Variants in STK32A observed in about 807,000 individuals in gnomAD.
STK32A encodes serine/threonine-protein kinase 32A.
In STK32A, 41 loss-of-function variants were observed where a neutral mutation model predicts 53.2. That is an observed-to-expected ratio of 0.77 (90% CI 0.60 to 1.00). STK32A has a LOEUF of 1.00. Among genes scored for constraint, STK32A ranks in the 50% least tolerant of loss-of-function variants. STK32A has a pLI of 0.00. For synonymous variants in STK32A, 166 were observed against 162.8 expected (o/e 1.02, Z -0.15); for missense variants, 458 against 485.8 (o/e 0.94, Z 0.54).
chr5:147,318,793 T>C (rs1375930223), intron 4 of STK32A, among the ~76,000 whole-genome samples: 1 of 143,770 alleles, frequency 7.0e-6, no homozygotes, highest in African/African-American at 2.6e-5. Context: ...AAAAAAAAAA[T>C]TACAGGCCAA....
chr5:147,245,916 C>G lies in STK32A; in HGVS notation c.52+6230C>G, dbSNP rs995459619. On this transcript the variant is annotated intron_variant, in intron 2 of 12. Coordinates refer to ENST00000397936, the MANE Select transcript of STK32A (RefSeq NM_001112724.2). Reference sequence around the variant, plus strand: ...CAATGGGATCCTTTAAAATGTTGGGCCAAGAAAATTGGCCACAGATTTGCA... The same window carrying G: ...CAATGGGATCCTTTAAAATGTTGGGGCAAGAAAATTGGCCACAGATTTGCA... Among the ~76,000 whole-genome samples the G allele has an allele frequency of 7.2e-5, 11 of 152,228 alleles. No individual in the cohort carries two copies. In the East Asian group the frequency reaches 1.9e-3, roughly 27 times the overall value.
chr5:147,299,825 G>A (rs74719227), intron 4 of STK32A, among the ~76,000 whole-genome samples: 12,493 of 152,198 alleles, frequency 0.082, 675 homozygotes, highest in African/African-American at 0.15. Context: ...TAGGCTACAC[G>A]TTATTCTTTG....
At chr5:147,383,823 A>G (rs888755758) in intron 12 of STK32A, 67 bp from the exon 13 acceptor site, 1 of 1,299,246 alleles carries the variant, frequency 7.7e-7, no homozygotes, top group African/African-American at 1.6e-5. Flanking sequence ...ATATTATTTC[A>G]AAAGCTTAAA....
In STK32A at chr5:147,386,970, G is replaced by A. The variant is rs1371117952; in HGVS notation, c.*2987G>A. 1 of 152,162 alleles carries A rather than the reference G, an allele frequency of 6.6e-6. No individual in the cohort carries two copies. The allele number at this position is 152,162 out of a possible 1,614,324, so 9.4% of individuals were successfully genotyped here. ...CACTAGGTGGAACATGTCTCTTCCG[G>A]AGTTGTGACAACCGAGGCTCAGAGC... is the stretch of plus-strand genomic sequence containing the variant. On this transcript the variant is annotated 3_prime_UTR_variant, in exon 13 of 13. Transcript: ENST00000397936.
chr5:147,320,207 A>C lies in STK32A; in HGVS notation c.261-3691A>C, dbSNP rs113750789. Among the ~76,000 whole-genome samples the C allele has an allele frequency of 4.1e-3, 620 of 152,036 alleles. 7 individuals are homozygous for C. Among genetic ancestry groups the C allele is most frequent in the Middle Eastern group, 0.014 (4 of 294 alleles). On this transcript the variant is annotated intron_variant, in intron 4 of 12. Coordinates refer to ENST00000397936, the MANE Select transcript of STK32A (RefSeq NM_001112724.2). ...AACACTGCATTGTAGAATATTTTAG[A>C]GTCTCTTCCCAACCCTCAGAGTCAG... is the stretch of plus-strand genomic sequence containing the variant.
At chr5:147,305,564 T>C (rs1267035138) in intron 4 of STK32A, among the ~76,000 whole-genome samples, 1 of 152,048 alleles carries the variant, frequency 6.6e-6, no homozygotes, top group African/African-American at 2.4e-5. Context: ...CTCCACATGG[T>C]GGGACAAAAG....
At chr5:147,397,980 A>G in the STK32A span, 1 of 867,168 alleles carries the variant, frequency 1.2e-6, no homozygotes, top group Non-Finnish European at 1.7e-6. Flanking sequence ...TGCATCTGCA[A>G]GCATCCAGTG....
chr5:147,278,019 C>A, intron 2 of STK32A, 105 bp from the exon 3 acceptor site: 1 of 948,666 alleles, frequency 1.1e-6, no homozygotes, highest in Non-Finnish European at 1.6e-6. Flanking sequence ...AGTCTGAGAT[C>A]ATGTTTTAGA....
In STK32A at chr5:147,299,324, C is replaced by T. The variant is rs188008380; in HGVS notation, c.260+19926C>T. On this transcript the variant is annotated intron_variant, in intron 4 of 12. Coordinates refer to ENST00000397936, the MANE Select transcript of STK32A (RefSeq NM_001112724.2). ...GAGGACGACCAGAGATCACTCTCAT[C>T]GTCATCTTGGTTTTGGCCGGCTTCT... is the stretch of plus-strand genomic sequence containing the variant. 3.9e-5 allele frequency among the ~76,000 whole-genome samples: 6 copies of T among 152,150 alleles called. No individual in the cohort carries two copies. In the East Asian group the frequency reaches 7.7e-4, roughly 20 times the overall value.
intron 7 of STK32A, among the ~76,000 whole-genome samples, chr5:147,356,922 C>G (rs1756275671): frequency 6.6e-6 from 1 of 152,014 alleles, no homozygotes; most frequent in Non-Finnish European, 1.5e-5. Context: ...TGTCCTGGAA[C>G]TTAGTTATTT....
chr5:147,357,741 T>C (rs1756316849), intron 7 of STK32A, among the ~76,000 whole-genome samples: 1 of 152,104 alleles, frequency 6.6e-6, no homozygotes, highest in Non-Finnish European at 1.5e-5. Context: ...ATTTTTTTAC[T>C]TAACTCAGTT....
At chr5:147,271,053 T>C (rs994102212) in intron 2 of STK32A, among the ~76,000 whole-genome samples, 1 of 151,788 alleles carries the variant, frequency 6.6e-6, no homozygotes, top group African/African-American at 2.4e-5. Context: ...TGGAGTGCAG[T>C]GGCACAGTCT....
At chr5:147,305,942 ACTTCTTATTTTTC>A (rs1753384070) in intron 4 of STK32A, among the ~76,000 whole-genome samples, 1 of 150,924 alleles carries the variant, frequency 6.6e-6, no homozygotes, top group Non-Finnish European at 1.5e-5. Context: ...AAATATGTGT[ACTTCTTATTTTTC>A]TACACATATT....
intron 4 of STK32A, among the ~76,000 whole-genome samples, chr5:147,302,988 C>G (rs957377925): frequency 1.3e-5 from 2 of 152,018 alleles, no homozygotes; most frequent in Admixed American, 6.6e-5. Context: ...AATAGAGATG[C>G]AATGGAGGTC....
At chr5:147,400,774 A>G in the STK32A span, 14 of 1,614,182 alleles carry the variant, frequency 8.7e-6, no homozygotes, top group East Asian at 2.2e-5. Context: ...GTCCTTCCCA[A>G]TTGCTTTCTG....
chr5:147,260,013 GTC>G (rs1230743158), intron 2 of STK32A, among the ~76,000 whole-genome samples: 1 of 104,838 alleles, frequency 9.5e-6, no homozygotes, highest in East Asian at 2.9e-4. Context: ...TCTCTCCTCT[GTC>G]TCTTTGTCCT....
chr5:147,333,249 T>G (rs1441606768), intron 5 of STK32A, among the ~76,000 whole-genome samples: 4 of 152,192 alleles, frequency 2.6e-5, no homozygotes, highest in African/African-American at 9.7e-5. Context: ...GACACATTTT[T>G]GACTTATAAA....
intron 9 of STK32A, among the ~76,000 whole-genome samples, chr5:147,371,902 CT>C (rs1757020262): frequency 6.6e-6 from 1 of 152,162 alleles, no homozygotes; most frequent in Non-Finnish European, 1.5e-5. Context: ...AACTTTAGCT[CT>C]TAGCTCAAAT....
rs1415745047 is a variant in STK32A, at chr5:147,358,810, A to G, written c.563-2707A>G. Among the ~76,000 whole-genome samples the G allele has an allele frequency of 1.4e-4, 22 of 152,154 alleles. 1 individual carries two copies. The highest frequency in any genetic ancestry group is 1.4e-3 in the Admixed American group (22 of 15,270). On this transcript the variant is annotated intron_variant, in intron 7 of 12. Coordinates refer to ENST00000397936, the MANE Select transcript of STK32A (RefSeq NM_001112724.2). ...AAATAAATAGGTAGCTAGCCAATTT[A>G]TCCACAGTTTCTGGGAGCTATATAA...
Sources: allele counts gnomAD v4.1 joint callset (sites outside exome capture counted in the v4.1 genomes callset), GRCh38; gene constraint gnomAD v4.1.1; transcripts MANE v1.5; gene names NCBI Gene and HGNC (gene_info 2026-07-23, HGNC 2026-07-21).